Variants in MZF1 observed in about 807,000 individuals in gnomAD.
MZF1 encodes the protein zinc finger and SCAN domain-containing protein 6.
A neutral mutation model predicts 28.6 loss-of-function variants in MZF1; 24 were observed. The observed-to-expected ratio is 0.84, with a 90% CI of 0.61 to 1.18. The LOEUF (loss-of-function observed/expected upper bound fraction) is 1.18, where lower values mean the gene tolerates loss of function less well. Ranked by LOEUF, MZF1 falls within the 50% of genes most tolerant of loss-of-function variation. The pLI is 0.00. For missense variants in MZF1, 1,166 were observed against 1,026.4 expected (o/e 1.14, Z -1.86); for synonymous variants, 516 against 432.5 (o/e 1.19, Z -2.40).
At chr19:58,565,960 G>A (rs1384547733) in intron 5 of MZF1, among the ~76,000 whole-genome samples, 7 of 149,834 alleles carry the variant, frequency 4.7e-5, no homozygotes, top group Non-Finnish European at 8.9e-5. Flanking sequence ...CTAACACGGC[G>A]AAACCCCGTC....
In MZF1 at chr19:58,562,495, C is replaced by G. The variant is rs2053947970; in HGVS notation, c.1782G>C (p.Glu594Asp). ...CACACTCGGGGCAGGCAAAGGGTTTCTCGCCCGTGTGTACGCGGAGATGCT... is the reference window on the plus strand; with the variant it reads ...CACACTCGGGGCAGGCAAAGGGTTTGTCGCCCGTGTGTACGCGGAGATGCT... ...LTQHLRVHTG[E>D]KPFACPECGQ... The change falls in exon 6 of 6, where the codon GAG (glutamate) becomes GAC (aspartate). Residue 594 changes from glutamate to aspartate, a missense_variant. By Grantham distance (45) the Glu-to-Asp change is conservative (BLOSUM62 2). Transcript: ENST00000215057. 1 of 1,610,494 alleles carries G rather than the reference C, an allele frequency of 6.2e-7. No homozygotes were observed. The highest frequency in any genetic ancestry group is 1.3e-5 in the African/African-American group (1 of 74,650).
rs3752110 is a variant in MZF1 at position 58,571,082 on chromosome 19, C to T, written c.308G>A (p.Arg103His). The stretch of plus-strand genomic sequence containing the variant: ...GCTGCCTGGCCGCTGCCCCTGCACA[C>T]GGGCCTGGATCTCAGGGGGCAGTGC... ...LGALPPEIQA[R>H]VQGQRPGSPE... The change falls in exon 2 of 6, where the codon CGT becomes CAT. Residue 103 changes from arginine to histidine, a missense_variant. By Grantham distance (29) the Arg-to-His change is conservative (BLOSUM62 0). Transcript: ENST00000215057. 8.1e-4 allele frequency: 1,302 copies of T among 1,613,712 alleles called. 20 individuals carry two copies. The East Asian group carries it at 0.024, about 30-fold the overall frequency.
chr19:58,562,850 G>A lies in MZF1; in HGVS notation c.1427C>T (p.Pro476Leu), dbSNP rs758676175. 4 of 1,541,088 alleles carry A rather than the reference G, an allele frequency of 2.6e-6. No individual in the cohort carries two copies. In the East Asian group the frequency reaches 9.6e-5, roughly 37 times the overall value. ...GGGGCCGGGAGGCTCGGGCGCACCA[G>A]GAGGGGCCGGGGGCTTAGCGCCAGG... ...PGPGAKPPAP[P>L]GAPEPPGPFP... Residue 476 changes from proline (P) to leucine (L), a missense_variant, in exon 6 of 6, where the codon CCT becomes CTT. Coordinates refer to ENST00000215057, the MANE Select transcript of MZF1 (RefSeq NM_198055.2).
rs1336634038 is a variant in MZF1, at chr19:58,562,755, T to C, written c.1522A>G (p.Thr508Ala). 3 of 1,536,022 alleles carry C rather than the reference T, an allele frequency of 2.0e-6. No homozygotes were observed. Among genetic ancestry groups the C allele is most frequent in the Non-Finnish European group, 2.6e-6 (3 of 1,147,240 alleles). Residue 508 changes from threonine (T) to alanine (A), a missense_variant, in exon 6 of 6, where the codon ACG (threonine) becomes GCG (alanine). By Grantham distance (58) the Thr-to-Ala change is moderately conservative. Transcript: ENST00000215057. The stretch of plus-strand genomic sequence containing the variant: ...ACGCAGCCAAAGGACTTGTCGCCCG[T>C]GTGTACCGCCTGGTGCTCCAGCAGC... ...AVLLEHQAVH[T>A]GDKSFGCVEC...
chr19:58,567,890 A>G (rs7248800), intron 5 of MZF1, among the ~76,000 whole-genome samples: 60,409 of 151,942 alleles, frequency 0.4, 12,679 homozygotes, highest in African/African-American at 0.53. Context: ...ACAACAGGAG[A>G]CAGCTAAAAA....
rs1488904618 is a variant in MZF1 at position 58,563,207 on chromosome 19, C to T, written c.1070G>A (p.Arg357His). The change falls in exon 6 of 6, where the codon CGT becomes CAT. Residue 357 changes from arginine to histidine, a missense_variant. Coordinates refer to ENST00000215057, the MANE Select transcript of MZF1 (RefSeq NM_198055.2). ...STGGGVVRGG[R>H]CDVCGKVFSQ... is the part of the protein sequence containing the mutation. Reference sequence around the variant, plus strand: ...GAACACCTTGCCACATACATCGCAACGGCCGCCCCTAACCACCCCGCCCCC... The same window carrying T: ...GAACACCTTGCCACATACATCGCAATGGCCGCCCCTAACCACCCCGCCCCC... 6.2e-6 allele frequency: 10 copies of T among 1,611,040 alleles called. No individual in the cohort carries two copies. The highest frequency in any genetic ancestry group is 8.5e-6 in the Non-Finnish European group (10 of 1,179,438).
At chr19:58,572,519 A>G (rs1568688364) in intron 1 of MZF1, 1 of 1,283,306 alleles carries the variant, frequency 7.8e-7, no homozygotes, top group Non-Finnish European at 1.0e-6. Context: ...GCCTTCGAGA[A>G]CTTGTTTCCC....
chr19:58,570,660 A>C, intron 2 of MZF1, 133 bp from the exon 3 acceptor site: 1 of 962,902 alleles, frequency 1.0e-6, no homozygotes, highest in Non-Finnish European at 1.5e-6. Context: ...TAGGTCCTCC[A>C]AGGACCTACC....
intron 5 of MZF1, among the ~76,000 whole-genome samples, chr19:58,565,362 G>A (rs577391543): frequency 1.2e-4 from 18 of 147,474 alleles, no homozygotes; most frequent in South Asian, 4.1e-4. Flanking sequence ...CCAAAGTGCT[G>A]GGATTGCAGG....
Position 58,571,131 on chromosome 19 carries a change from A to G in MZF1, c.259T>C (p.Leu87=). 1 of 1,614,090 alleles carries G rather than the reference A, an allele frequency of 6.2e-7. No individual in the cohort carries two copies. The highest frequency in any genetic ancestry group is 8.5e-7 in the Non-Finnish European group (1 of 1,180,010). The part of the protein sequence containing the change: ...VRSKEQMLEL[L]VLEQFLGALP... ...GCGCCCAGGAACTGCTCCAGCACCA[A>G]CAGCTCCAGCATCTGCTCCTTGGAG... The change falls in exon 2 of 6, where the codon TTG becomes CTG. Residue 87 remains leucine, a synonymous_variant. Transcript: ENST00000215057.
chr19:58,569,016 C>T, intron 5 of MZF1: 1 of 397,304 alleles, frequency 2.5e-6, no homozygotes, highest in Non-Finnish European at 4.5e-6. Context: ...GGAATACTCG[C>T]CCTGCTTGCA....
In MZF1 at chr19:58,562,785, C is replaced by T. The variant is rs1441721843; in HGVS notation, c.1492G>A (p.Ala498Thr). ...SECRESFARRAVLLEHQAVHT... is the reference protein window; with the variant it reads ...SECRESFARRTVLLEHQAVHT... ...ACCGCCTGGTGCTCCAGCAGCACGG[C>T]GCGCCGCGCGAAGCTCTCGCGGCAC... is the stretch of plus-strand genomic sequence containing the variant. Residue 498 changes from alanine (A) to threonine (T), a missense_variant, in exon 6 of 6, where the codon GCC (alanine) becomes ACC (threonine). Transcript: ENST00000215057. 1 of 1,534,382 alleles carries T rather than the reference C, an allele frequency of 6.5e-7. No individual in the cohort carries two copies. The highest frequency in any genetic ancestry group is 8.7e-7 in the Non-Finnish European group (1 of 1,146,288).
At chr19:58,565,524 C>A (rs1052314283) in intron 5 of MZF1, among the ~76,000 whole-genome samples, 1 of 151,390 alleles carries the variant, frequency 6.6e-6, no homozygotes, top group Non-Finnish European at 1.5e-5. Flanking sequence ...GCCACCACGC[C>A]CAGCCCGTGT....
At chr19:58,569,639 C>T (rs2054120944) in intron 3 of MZF1, 53 bp from the exon 4 acceptor site, 1 of 1,436,946 alleles carries the variant, frequency 7.0e-7, no homozygotes, top group Admixed American at 2.0e-5. Context: ...ACCCCACTGC[C>T]CTTCTTAGTG....
intron 5 of MZF1, chr19:58,568,710 C>G (rs538032621): frequency 6.6e-6 from 1 of 152,590 alleles, no homozygotes; most frequent in Non-Finnish European, 1.5e-5. Context: ...AGAGGAGACC[C>G]TGGGTCTCAG....
At chr19:58,570,833 A>T in intron 2 of MZF1, 161 bp downstream of exon 2, 3 of 766,864 alleles carry the variant, frequency 3.9e-6, no homozygotes, top group South Asian at 3.7e-5. Flanking sequence ...TGGCCCTGGA[A>T]TCCCTCTGCC....
chr19:58,562,649 C>T lies in MZF1; in HGVS notation c.1628G>A (p.Cys543Tyr), dbSNP rs1434536423. The change falls in exon 6 of 6, where the codon TGT becomes TAT. Residue 543 changes from cysteine (C) to tyrosine (Y), a missense_variant. Physicochemically the swap from Cys to Tyr is radical, Grantham distance 194. Transcript: ENST00000215057. ...CCGGAAGCTCTGGCCGCACTCGGCA[C>T]AGGCGAAGGGCCGCTCGCCACTGTG... is the stretch of plus-strand genomic sequence containing the variant. The part of the protein sequence containing the change: ...RVHSGERPFA[C>Y]AECGQSFRQR... 1.3e-6 allele frequency: 2 copies of T among 1,551,458 alleles called. No individual in the cohort carries two copies. Among genetic ancestry groups the T allele is most frequent in the East Asian group, 4.8e-5 (2 of 42,024 alleles).
chr19:58,570,717 C>T, intron 2 of MZF1, 190 bp from the exon 3 acceptor site: 1 of 686,534 alleles, frequency 1.5e-6, no homozygotes. Flanking sequence ...TGCAGTCCCT[C>T]CCCTGCTCTG....
chr19:58,569,339 G>A lies in MZF1; in HGVS notation c.710C>T (p.Pro237Leu). ...FPHSKTGPEGPSWREHPRALW... is the reference protein window; with the variant it reads ...FPHSKTGPEGLSWREHPRALW... ...GGCCCTGGGGTGCTCCCTCCATGAG[G>A]GACCCTCAGGCCCAGTCTTGCTGTG... The change falls in exon 5 of 6, where the codon CCC becomes CTC. Residue 237 changes from proline to leucine, a missense_variant. Transcript: ENST00000215057. 1 of 1,613,826 alleles carries A rather than the reference G, an allele frequency of 6.2e-7. No individual in the cohort carries two copies. Among genetic ancestry groups the A allele is most frequent in the Non-Finnish European group, 8.5e-7 (1 of 1,179,876 alleles).
Sources: gnomAD v4.1 joint callset for allele counts (sites outside exome capture counted in the v4.1 genomes callset) on GRCh38, gnomAD v4.1.1 for gene constraint, MANE v1.5 for transcripts, NCBI Gene and HGNC (gene_info 2026-07-23, HGNC 2026-07-21) for gene names.